Variants in SMO observed in about 807,000 individuals in gnomAD.
The protein encoded by SMO is smoothened, frizzled class receptor, also known as protein smoothened.
Under a neutral mutation model 81.6 loss-of-function variants are expected in SMO, and 40 were observed. That is an observed-to-expected ratio of 0.49 (90% CI 0.38 to 0.64). The LOEUF is 0.64. Ranked by LOEUF, SMO falls within the 30% of genes least tolerant of loss-of-function variation. The pLI, the probability that SMO is intolerant of heterozygous loss-of-function variation, is 0.00. For synonymous variants in SMO, 434 were observed against 432.1 expected (o/e 1.00, Z -0.05); for missense variants, 916 against 1,061.1 (o/e 0.86, Z 1.90).
At chr7:129,191,112 G>A (rs1793475424) in intron 1 of SMO, among the ~76,000 whole-genome samples, 1 of 152,202 alleles carries the variant, frequency 6.6e-6, no homozygotes, top group Admixed American at 6.5e-5. Context: ...CCAGTTCTGA[G>A]TTGCTCATGC....
Position 129,208,815 on chromosome 7 carries a change from G to A in SMO, c.1321G>A (p.Ala441Thr), listed in dbSNP as rs2150652317. Reference sequence around the variant, plus strand: ...CCACCCCGGGCTGCTGAGTGAGAAGGCTGCCAGCAAGATCAACGAGACCAT... The same window carrying A: ...CCACCCCGGGCTGCTGAGTGAGAAGACTGCCAGCAAGATCAACGAGACCAT... ...SNHPGLLSEK[A>T]ASKINETMLR... The change falls in exon 7 of 12, where the codon GCT (alanine) becomes ACT (threonine). Residue 441 changes from alanine (A) to threonine (T), a missense_variant. Ala to Thr is a moderately conservative substitution (Grantham distance 58). Around this residue, in one of 4 missense-constraint regions of SMO, gnomAD observed 436 missense variants for 570.9 expected, o/e 0.76. Transcript: ENST00000249373. This position sits in a 1 kb window ranked among gnomAD's most constrained non-coding sequence, Gnocchi z 5.2. 6.2e-7 allele frequency: 1 copy of A among 1,613,962 alleles called. No individual in the cohort carries two copies. Among genetic ancestry groups the A allele is most frequent in the African/African-American group, 1.3e-5 (1 of 75,024 alleles).
At chr7:129,193,939 TA>T (rs1192113738) in intron 1 of SMO, among the ~76,000 whole-genome samples, 98 of 134,856 alleles carry the variant, frequency 7.3e-4, no homozygotes, top group East Asian at 8.8e-4. Flanking sequence ...ACCCCATCTC[TA>T]AAAAAAAAAA....
intron 1 of SMO, among the ~76,000 whole-genome samples, chr7:129,196,278 G>A (rs1793577184): frequency 6.6e-6 from 1 of 151,358 alleles, no homozygotes; most frequent in African/African-American, 2.4e-5. Flanking sequence ...GGGTAAGAAT[G>A]TTACTTACAG....
At chr7:129,205,506 C>T in intron 3 of SMO, 94 bp downstream of exon 3, 1 of 1,524,864 alleles carries the variant, frequency 6.6e-7, no homozygotes, top group Non-Finnish European at 9.1e-7. Context: ...TGGTGGGGGT[C>T]CCCAGGGAAG....
In SMO at chr7:129,189,393, C is replaced by T. The variant is rs2150638295; in HGVS notation, c.242C>T (p.Ser81Leu). Residue 81 changes from serine (S) to leucine (L), a missense_variant, in exon 1 of 12, where the codon TCG becomes TTG. This residue lies in a region of SMO where 146 missense variants were observed against 149.9 expected (regional missense o/e 0.97). Coordinates refer to ENST00000249373, the MANE Select transcript of SMO (RefSeq NM_005631.5). The surrounding 1 kb of genome is among the most constrained non-coding windows in gnomAD (Gnocchi z 4.7). ...CTGCGCTACAACGTGTGCCTGGGCT[C>T]GGTGCTGCCCTACGGGGCCACCTCC... ...EPLRYNVCLGSVLPYGATSTL... is the reference protein window; with the variant it reads ...EPLRYNVCLGLVLPYGATSTL... 6.5e-7 allele frequency: 1 copy of T among 1,536,516 alleles called. No individual in the cohort carries two copies. Among genetic ancestry groups the T allele is most frequent in the Non-Finnish European group, 8.7e-7 (1 of 1,146,318 alleles).
chr7:129,198,580 A>G (rs937727248), intron 1 of SMO, among the ~76,000 whole-genome samples: 1 of 152,252 alleles, frequency 6.6e-6, no homozygotes, highest in Non-Finnish European at 1.5e-5. Flanking sequence ...TTGGTTAACA[A>G]TGGACCACAT....
chr7:129,201,370 A>G (rs1411208206), intron 1 of SMO, among the ~76,000 whole-genome samples: 1 of 152,044 alleles, frequency 6.6e-6, no homozygotes, highest in Non-Finnish European at 1.5e-5. Flanking sequence ...TAACTGCCTG[A>G]TGTTTCTCTA....
intron 1 of SMO, among the ~76,000 whole-genome samples, chr7:129,197,608 T>C (rs1039379712): frequency 2.0e-5 from 3 of 152,170 alleles, no homozygotes; most frequent in Non-Finnish European, 2.9e-5. Flanking sequence ...TTTGTATTTT[T>C]AGTAGAGACG....
intron 1 of SMO, among the ~76,000 whole-genome samples, chr7:129,196,143 AT>A (rs1227536994): frequency 6.6e-6 from 1 of 151,672 alleles, no homozygotes; most frequent in African/African-American, 2.4e-5. Context: ...AAAAAAAATT[AT>A]GTACTGCGAT....
At chr7:129,190,648 A>G (rs1051122274) in intron 1 of SMO, among the ~76,000 whole-genome samples, 4 of 152,354 alleles carry the variant, frequency 2.6e-5, no homozygotes, top group African/African-American at 9.6e-5. Context: ...GGACAAGGCC[A>G]TAAGGTTCCT....
At chr7:129,193,600 T>C (rs113668917) in intron 1 of SMO, among the ~76,000 whole-genome samples, 17,127 of 148,882 alleles carry the variant, frequency 0.12, 1,214 homozygotes, top group African/African-American at 0.2. Flanking sequence ...CTACTAAAAA[T>C]ACAAAAAAAT....
chr7:129,209,402 G>A lies in SMO; in HGVS notation c.1466+5G>A, dbSNP rs2150653008. The stretch of plus-strand genomic sequence containing the variant: ...CAGCTTCCGGGACTATGTGCTGTGA[G>A]TGAGGGGCATGGAGGCGGCAGTGCT... On this transcript the variant is annotated splice_donor_5th_base_variant and intron_variant, in intron 8 of 11. Transcript: ENST00000249373. 6.3e-7 allele frequency: 1 copy of A among 1,595,394 alleles called. No individual in the cohort carries two copies. The highest frequency in any genetic ancestry group is 2.2e-5 in the East Asian group (1 of 44,802).
chr7:129,205,114 C>T (rs1380545960), intron 2 of SMO, 89 bp from the exon 3 acceptor site: 21 of 1,171,892 alleles, frequency 1.8e-5, no homozygotes, highest in Non-Finnish European at 2.5e-5. Flanking sequence ...TCTCCAGCCA[C>T]CCTGCCATGC....
rs1480308220 is a variant in SMO at position 129,213,326 on chromosome 7, T to C, written c.*875T>C. 8.6e-6 allele frequency: 2 copies of C among 232,864 alleles called. No individual in the cohort carries two copies. Among genetic ancestry groups the C allele is most frequent in the East Asian group, 6.0e-5 (1 of 16,550 alleles). 14.4% of individuals were successfully genotyped at this position (232,864 alleles called of 1,614,324 possible). On this transcript the variant is annotated 3_prime_UTR_variant, in exon 12 of 12. Coordinates refer to ENST00000249373, the MANE Select transcript of SMO (RefSeq NM_005631.5). Reference sequence around the variant, plus strand: ...TTAGTGGGGGATGGGTCCTCTAGACTTGAGGGGCTACCCTGGGAAGCTGCC... The same window carrying C: ...TTAGTGGGGGATGGGTCCTCTAGACCTGAGGGGCTACCCTGGGAAGCTGCC...
chr7:129,205,154 C>T, intron 2 of SMO, 49 bp from the exon 3 acceptor site: 14 of 1,532,592 alleles, frequency 9.1e-6, no homozygotes, highest in Non-Finnish European at 1.3e-5. Context: ...AAACAAGAGG[C>T]TCGTCCCTGA....
chr7:129,192,771 A>C (rs1793498452), intron 1 of SMO, among the ~76,000 whole-genome samples: 1 of 152,152 alleles, frequency 6.6e-6, no homozygotes, highest in African/African-American at 2.4e-5. Flanking sequence ...AGGAAGAAGA[A>C]GTTTAGGCAG....
rs1258426041 is a variant in SMO, at chr7:129,203,590, G to A, written c.537+1G>A. On this transcript the variant is annotated splice_donor_variant, in intron 2 of 11. Transcript: ENST00000249373. LOFTEE classifies it high-confidence loss of function. ...TGACCGCTTCCCTGAAGGCTGCACG[G>A]TGAGTGCTCTGTGAGACAAGGTCCA... 6.3e-7 allele frequency: 1 copy of A among 1,595,716 alleles called. No individual in the cohort carries two copies. The highest frequency in any genetic ancestry group is 8.5e-7 in the Non-Finnish European group (1 of 1,177,182).
chr7:129,196,972 G>C (rs569846599), intron 1 of SMO, among the ~76,000 whole-genome samples: 1 of 139,654 alleles, frequency 7.2e-6, no homozygotes, highest in East Asian at 2.1e-4. Context: ...AGCCCAGATT[G>C]TGCCACTGCA....
In SMO at chr7:129,208,411, A is replaced by G. The variant is rs893481900; in HGVS notation, c.1265-348A>G. Among the ~76,000 whole-genome samples the G allele has an allele frequency of 6.6e-6, 1 of 151,816 alleles. No homozygotes were observed. Among genetic ancestry groups the G allele is most frequent in the Non-Finnish European group, 1.5e-5 (1 of 68,008 alleles). On this transcript the variant is annotated intron_variant, in intron 6 of 11. Coordinates refer to ENST00000249373, the MANE Select transcript of SMO (RefSeq NM_005631.5). The surrounding 1 kb of genome is among the most constrained non-coding windows in gnomAD (Gnocchi z 5.2). The stretch of plus-strand genomic sequence containing the variant: ...GTTTACAATGAGCCGAGATCACGCC[A>G]TTGCACTCCAGCCTGGGCGACAGGG...
Sources: allele counts gnomAD v4.1 joint callset (sites outside exome capture counted in the v4.1 genomes callset), GRCh38; gene constraint gnomAD v4.1.1; regional missense constraint gnomAD v4.1.1; non-coding constraint Gnocchi (gnomAD v3.1); transcripts MANE v1.5; gene names NCBI Gene and HGNC (gene_info 2026-07-23, HGNC 2026-07-21).